Variants in PBX3 observed in about 807,000 individuals in gnomAD.
PBX3 encodes PBX homeobox 3, also known as pre-B-cell leukemia transcription factor 3.
A neutral mutation model predicts 48.5 loss-of-function variants in PBX3; 14 were observed. The ratio of observed to expected loss-of-function variants is 0.29; its 90% confidence interval spans 0.19 to 0.45. The LOEUF is 0.45. PBX3 is among the 20% of genes least tolerant of loss of function. The pLI, the probability that PBX3 is intolerant of heterozygous loss-of-function variation, is 1.00. For synonymous variants in PBX3, 210 were observed against 200.3 expected, an observed-to-expected ratio of 1.05 and a Z score of -0.41; for missense variants, 386 against 546.7, an observed-to-expected ratio of 0.71 and a Z score of 2.93.
chr9:125,915,662 GTC>G (rs753352857), intron 2 of PBX3, 22 bp from the exon 3 acceptor site: 858 of 1,538,728 alleles, frequency 5.6e-4, no homozygotes, highest in Admixed American at 6.2e-4. Context: ...TTCTCTCTCT[GTC>G]TCTCTCTCTC....
chr9:125,821,230 A>G (rs749208521), intron 2 of PBX3, among the ~76,000 whole-genome samples: 4 of 152,174 alleles, frequency 2.6e-5, no homozygotes. Flanking sequence ...AAAACATATC[A>G]TAGCTCTGGA....
In PBX3 at chr9:125,747,492, G is replaced by A. The variant is rs762424275; in HGVS notation, c.39G>A (p.Gly13=). 1 of 1,585,796 alleles carries A rather than the reference G, an allele frequency of 6.3e-7. No homozygotes were observed. The highest frequency in any genetic ancestry group is 1.4e-5 in the African/African-American group (1 of 71,754). ...DQSRMLQTLA[G]VNLAGHSVQG... Reference sequence around the variant, plus strand: ...CCAGGATGCTGCAGACTCTGGCCGGGGTGAACCTGGCTGGCCACTCGGTGC... The same window carrying A: ...CCAGGATGCTGCAGACTCTGGCCGGAGTGAACCTGGCTGGCCACTCGGTGC... Residue 13 remains glycine, a synonymous_variant, in exon 1 of 9, where the codon GGG becomes GGA. Transcript: ENST00000373489.
intron 5 of PBX3, among the ~76,000 whole-genome samples, chr9:125,952,683 C>T (rs1295882832): frequency 6.6e-6 from 1 of 152,194 alleles, no homozygotes; most frequent in Non-Finnish European, 1.5e-5. Context: ...GGATTGGTCA[C>T]TCGTATAGCT....
intron 2 of PBX3, among the ~76,000 whole-genome samples, chr9:125,791,305 AT>A (rs1837599208): frequency 9.3e-6 from 1 of 107,812 alleles, no homozygotes; most frequent in African/African-American, 3.2e-5. Context: ...CTGTCTGTCT[AT>A]CTATCTATCT....
chr9:125,898,397 G>A (rs1952669), intron 2 of PBX3, among the ~76,000 whole-genome samples: 99,356 of 150,384 alleles, frequency 0.66, 33,270 homozygotes, highest in East Asian at 0.76. Flanking sequence ...GATAGTAAAT[G>A]AAATACATTT....
intron 2 of PBX3, chr9:125,843,697 T>C (rs1839348784): frequency 5.2e-6 from 2 of 384,744 alleles, no homozygotes; most frequent in African/African-American, 2.1e-5. Context: ...TGGAATTCCG[T>C]CTCTGTTATG....
chr9:125,853,454 G>C (rs1259226674), intron 2 of PBX3, among the ~76,000 whole-genome samples: 1 of 152,130 alleles, frequency 6.6e-6, no homozygotes, highest in Non-Finnish European at 1.5e-5. Flanking sequence ...GTTATGAAAA[G>C]AGCCTGGGAG....
chr9:125,949,046 C>T (rs1669152389), intron 5 of PBX3, among the ~76,000 whole-genome samples: 1 of 152,196 alleles, frequency 6.6e-6, no homozygotes, highest in South Asian at 2.1e-4. Flanking sequence ...CAGGCATGAG[C>T]CACCGCACCC....
intron 5 of PBX3, among the ~76,000 whole-genome samples, chr9:125,941,235 G>GC (rs1841952741): frequency 6.6e-6 from 1 of 152,190 alleles, no homozygotes; most frequent in Non-Finnish European, 1.5e-5. Flanking sequence ...AGAGGGAACA[G>GC]CAAGTACGGA....
At chr9:125,876,653 TTAGAAG>T (rs1195870803) in intron 2 of PBX3, among the ~76,000 whole-genome samples, 1 of 152,192 alleles carries the variant, frequency 6.6e-6, no homozygotes, top group African/African-American at 2.4e-5. Flanking sequence ...CAGTAGGCTA[TTAGAAG>T]TAAAGTTTTT....
At chr9:125,904,335 A>G (rs1190890420) in intron 2 of PBX3, among the ~76,000 whole-genome samples, 1 of 151,838 alleles carries the variant, frequency 6.6e-6, no homozygotes, top group Non-Finnish European at 1.5e-5. Context: ...GAAGATTTAT[A>G]TTGGTGTGGA....
At chr9:125,768,252 TA>T (rs1290918092) in intron 2 of PBX3, among the ~76,000 whole-genome samples, 5 of 152,184 alleles carry the variant, frequency 3.3e-5, no homozygotes, top group Admixed American at 3.3e-4. Context: ...GTATATAAAA[TA>T]AGTAGATGAT....
intron 6 of PBX3, among the ~76,000 whole-genome samples, chr9:125,961,165 T>G (rs1842422862): frequency 6.6e-6 from 1 of 152,192 alleles, no homozygotes; most frequent in South Asian, 2.1e-4. Context: ...GATACCACTT[T>G]AGGGTCAGTA....
intron 2 of PBX3, among the ~76,000 whole-genome samples, chr9:125,804,855 G>C (rs1010998822): frequency 1.3e-5 from 2 of 151,838 alleles, no homozygotes; most frequent in East Asian, 3.9e-4. Flanking sequence ...GCTGAGGCAG[G>C]AGAATTGCTT....
At chr9:125,843,048 AT>A (rs1237187491) in intron 2 of PBX3, among the ~76,000 whole-genome samples, 2 of 151,250 alleles carry the variant, frequency 1.3e-5, no homozygotes, top group African/African-American at 4.9e-5. Flanking sequence ...ACAGGGCTTG[AT>A]TGACTTACTT....
chr9:125,793,711 C>T (rs953560012), intron 2 of PBX3, among the ~76,000 whole-genome samples: 4 of 151,888 alleles, frequency 2.6e-5, no homozygotes, highest in Admixed American at 6.6e-5. Flanking sequence ...ATTACAGGCA[C>T]GAGCCACTGT....
At chr9:125,962,501 T>G (rs985622846) in intron 7 of PBX3, among the ~76,000 whole-genome samples, 1 of 152,210 alleles carries the variant, frequency 6.6e-6, no homozygotes, top group Non-Finnish European at 1.5e-5. Context: ...ACAGAAAAAT[T>G]GAGTGTGCCA....
At chr9:125,754,254 A>T (rs1381241983) in intron 2 of PBX3, among the ~76,000 whole-genome samples, 1 of 152,128 alleles carries the variant, frequency 6.6e-6, no homozygotes, top group Non-Finnish European at 1.5e-5. Context: ...GCCATTTATC[A>T]GTGTGATCAG....
At chr9:125,933,743 G>T (rs1841771973) in intron 4 of PBX3, among the ~76,000 whole-genome samples, 1 of 151,926 alleles carries the variant, frequency 6.6e-6, no homozygotes. Flanking sequence ...CAGTACTGTT[G>T]GTATCCCAAT....
Sources: allele counts gnomAD v4.1 joint callset (sites outside exome capture counted in the v4.1 genomes callset), GRCh38; gene constraint gnomAD v4.1.1; transcripts MANE v1.5; gene names NCBI Gene and HGNC (gene_info 2026-07-23, HGNC 2026-07-21).